NCOA1: variants seen among roughly 807,000 people sequenced by gnomAD.
NCOA1 encodes the protein Hin-2 protein.
In NCOA1, 35 loss-of-function variants were observed where a neutral mutation model predicts 150.9. The observed-to-expected ratio is 0.23, with a 90% CI of 0.18 to 0.31. The LOEUF is 0.31. NCOA1 is among the 10% of genes least tolerant of loss of function. The pLI is 1.00. For synonymous variants in NCOA1, 590 were observed against 630.0 expected (o/e 0.94, Z 0.95); for missense variants, 1,491 against 1,749.3 (o/e 0.85, Z 2.63).
In NCOA1 at chr2:24,572,611, G is replaced by A. The variant is rs943272869; in HGVS notation, c.-260+8181G>A. Among the ~76,000 whole-genome samples the A allele has an allele frequency of 3.3e-5, 5 of 152,270 alleles. No homozygotes were observed. The South Asian group carries it at 1.0e-3, about 32-fold the overall frequency. On this transcript the variant is annotated intron_variant, in intron 2 of 22. Transcript: ENST00000348332. The stretch of plus-strand genomic sequence containing the variant: ...GTGGAAGGTGACTCTGAAGACCTGG[G>A]ATAGCTAGTTAAAAGTTATGGTATT...
chr2:24,726,856 G>A (rs571023850), intron 15 of NCOA1, 150 bp downstream of exon 15: 101 of 366,656 alleles, frequency 2.8e-4, no homozygotes, highest in African/African-American at 2.0e-3. Context: ...AAAAAAGTGG[G>A]CCCGGTGCAG....
Position 24,757,989 on chromosome 2 carries a change from G to C in NCOA1, c.3898G>C (p.Val1300Leu). The C allele has an allele frequency of 1.9e-6, 3 of 1,613,926 alleles. No homozygotes were observed. The highest frequency in any genetic ancestry group is 2.5e-6 in the Non-Finnish European group (3 of 1,179,916). ...AGTTTACAGTGTGTTCAGTCAAGCT[G>C]TCCAGAACCAGCCCACGCCTGCACA... ...IGNNNVFSQA[V>L]QNQPTPAQPG... The change falls in exon 21 of 23, where the codon GTC (valine) becomes CTC (leucine). Residue 1300 changes from valine to leucine, a missense_variant. Around this residue, in one of 8 missense-constraint regions of NCOA1, gnomAD observed 485 missense variants for 522.8 expected, o/e 0.93. Coordinates refer to ENST00000348332, the MANE Select transcript of NCOA1 (RefSeq NM_003743.5).
chr2:24,576,170 G>GTTTTTGTTTTTGTTTTTTTTTT (rs1666967476), intron 2 of NCOA1, among the ~76,000 whole-genome samples: 2 of 46,330 alleles, frequency 4.3e-5, no homozygotes, highest in African/African-American at 6.4e-5. Flanking sequence ...TTTGTTTTTT[G>GTTTTTGTTTTTGTTTTTTTTTT]TTTTTTTTTT....
chr2:24,558,400 G>A (rs1391790779), intron 1 of NCOA1, among the ~76,000 whole-genome samples: 1 of 152,150 alleles, frequency 6.6e-6, no homozygotes, highest in Non-Finnish European at 1.5e-5. Context: ...TGGCTGGGGA[G>A]GCCCCAGAAT....
intron 1 of NCOA1, among the ~76,000 whole-genome samples, chr2:24,522,666 G>C (rs1364263546): frequency 6.6e-6 from 1 of 152,166 alleles, no homozygotes; most frequent in Non-Finnish European, 1.5e-5. Flanking sequence ...TAATCAAAAT[G>C]TATGTCAAGG....
chr2:24,687,774 G>A (rs1672477163), intron 8 of NCOA1, among the ~76,000 whole-genome samples: 1 of 152,140 alleles, frequency 6.6e-6, no homozygotes, highest in Non-Finnish European at 1.5e-5. Flanking sequence ...GTGGATTACA[G>A]GTCCCTCCCT....
chr2:24,640,608 G>C (rs1670170108), intron 3 of NCOA1, among the ~76,000 whole-genome samples: 1 of 151,862 alleles, frequency 6.6e-6, no homozygotes, highest in East Asian at 1.9e-4. Context: ...GGGAGCTCAA[G>C]ACCAGCCTGG....
At chr2:24,603,599 CT>C (rs1369210390) in intron 3 of NCOA1, among the ~76,000 whole-genome samples, 1 of 152,352 alleles carries the variant, frequency 6.6e-6, no homozygotes, top group African/African-American at 2.4e-5. Context: ...TTAAAAACCA[CT>C]TTCTTTGCTT....
chr2:24,727,340 C>T (rs918328019), intron 15 of NCOA1, among the ~76,000 whole-genome samples: 3 of 151,936 alleles, frequency 2.0e-5, no homozygotes, highest in Non-Finnish European at 4.4e-5. Context: ...GATGAATTGG[C>T]CTCAGTACAA....
In NCOA1 at chr2:24,601,671, C is replaced by T. The variant is rs138782663; in HGVS notation, c.-175+17111C>T. Among the ~76,000 whole-genome samples, 4 of 149,200 alleles carry T rather than the reference C, an allele frequency of 2.7e-5. No homozygotes were observed. The East Asian group carries it at 5.9e-4, about 22-fold the overall frequency. On this transcript the variant is annotated intron_variant, in intron 3 of 22. Coordinates refer to ENST00000348332, the MANE Select transcript of NCOA1 (RefSeq NM_003743.5). The stretch of plus-strand genomic sequence containing the variant: ...TTTTTGAGATGGAGTCTCGCTCTGT[C>T]GCCCAGGCTAGAGTACAGTGGCGTG...
chr2:24,569,969 A>G (rs754688326), intron 2 of NCOA1, among the ~76,000 whole-genome samples: 1 of 151,688 alleles, frequency 6.6e-6, no homozygotes. Flanking sequence ...CAGAGTCAAA[A>G]TGCAAGCAGA....
intron 3 of NCOA1, among the ~76,000 whole-genome samples, chr2:24,624,790 C>G (rs1469259447): frequency 1.3e-5 from 2 of 152,060 alleles, no homozygotes; most frequent in Non-Finnish European, 2.9e-5. Flanking sequence ...AATAACAGTT[C>G]TTATAAGTGG....
Position 24,768,319 on chromosome 2 carries a change from A to G in NCOA1, c.4254A>G (p.Gln1418=). The G allele has an allele frequency of 6.2e-7, 1 of 1,613,968 alleles. No homozygotes were observed. Among genetic ancestry groups the G allele is most frequent in the South Asian group, 1.1e-5 (1 of 91,070 alleles). The stretch of plus-strand genomic sequence containing the variant: ...ACCAGCCTGGTCCACTGGGAACTCA[A>G]AAGCCCACGTCAGGACCACAGACCC... ...YLNQPGPLGT[Q]KPTSGPQTPQ... The change falls in exon 23 of 23, where the codon CAA becomes CAG. Residue 1418 remains glutamine (Q), a synonymous_variant. Transcript: ENST00000348332.
chr2:24,767,297 G>T (rs1196903997), intron 22 of NCOA1, among the ~76,000 whole-genome samples: 1 of 152,184 alleles, frequency 6.6e-6, no homozygotes, highest in African/African-American at 2.4e-5. Flanking sequence ...ACACAAGTTT[G>T]TCAAAAAGTT....
chr2:24,742,829 A>G (rs1370689407), intron 19 of NCOA1, among the ~76,000 whole-genome samples: 1 of 151,618 alleles, frequency 6.6e-6, no homozygotes, highest in Non-Finnish European at 1.5e-5. Flanking sequence ...TAGTTTTTTC[A>G]TTGTGTGGGA....
At chr2:24,714,017 G>A (rs1673895201) in intron 14 of NCOA1, among the ~76,000 whole-genome samples, 1 of 152,188 alleles carries the variant, frequency 6.6e-6, no homozygotes, top group Non-Finnish European at 1.5e-5. Context: ...ACAACTATCA[G>A]GAAGGAGTGA....
At position 24,585,582 on chromosome 2, in the gene NCOA1, T is replaced by C. The variant is rs148161088; in HGVS notation, c.-175+1022T>C. Among the ~76,000 whole-genome samples, 6 of 152,254 alleles carry C rather than the reference T, an allele frequency of 3.9e-5. No homozygotes were observed. In the East Asian group the frequency reaches 9.6e-4, roughly 24 times the overall value. ...AGATTTTTGACTTCCTTTTGTCATA[T>C]GTTTATTGGCTATTGGTCTTTCGTC... On this transcript the variant is annotated intron_variant, in intron 3 of 22. Transcript: ENST00000348332.
chr2:24,708,292 A>G (rs1285372348), intron 13 of NCOA1, among the ~76,000 whole-genome samples: 2 of 152,204 alleles, frequency 1.3e-5, no homozygotes, highest in East Asian at 3.9e-4. Flanking sequence ...AAGGAGATGG[A>G]CAAGGTTACT....
chr2:24,658,780 T>G lies in NCOA1; in HGVS notation c.89+14T>G, dbSNP rs1196113523. On this transcript the variant is annotated intron_variant, in intron 5 of 22. Coordinates refer to ENST00000348332, the MANE Select transcript of NCOA1 (RefSeq NM_003743.5). ...ACTGGCATCAAGGTAGGAACACTCC[T>G]CTTAGTCTATTTTTGGCAGAGCTGC... 6.2e-7 allele frequency: 1 copy of G among 1,612,422 alleles called. No homozygotes were observed.
Sources: gnomAD v4.1 joint callset for allele counts (sites outside exome capture counted in the v4.1 genomes callset) on GRCh38, gnomAD v4.1.1 for gene constraint, gnomAD v4.1.1 regional missense constraint, MANE v1.5 for transcripts, NCBI Gene and HGNC (gene_info 2026-07-23, HGNC 2026-07-21) for gene names.